Variants in SHCBP1L observed in about 807,000 individuals in gnomAD.
The protein encoded by SHCBP1L is testicular spindle-associated protein SHCBP1L.
SHCBP1L carries 67 observed loss-of-function variants against 62.5 expected under a neutral mutation model. The observed-to-expected ratio is 1.07, with a 90% CI of 0.88 to 1.31. The LOEUF (loss-of-function observed/expected upper bound fraction) is 1.31. Among genes scored for constraint, SHCBP1L ranks in the 40% most tolerant of loss-of-function variants. The pLI, the probability that SHCBP1L is intolerant of heterozygous loss-of-function variation, is 0.00. For missense variants in SHCBP1L, 823 were observed against 809.8 expected, an observed-to-expected ratio of 1.02 and a Z score of -0.20; for synonymous variants, 284 against 289.4, an observed-to-expected ratio of 0.98 and a Z score of 0.19.
intron 2 of SHCBP1L, among the ~76,000 whole-genome samples, chr1:182,944,894 C>T (rs1030773444): frequency 2.6e-5 from 4 of 151,202 alleles, no homozygotes; most frequent in Non-Finnish European, 2.9e-5. Context: ...CTGCAAAAAA[C>T]GTTTTCCCAG....
At chr1:182,946,543 AT>A (rs1651571229) in intron 2 of SHCBP1L, among the ~76,000 whole-genome samples, 1 of 151,672 alleles carries the variant, frequency 6.6e-6, no homozygotes, top group African/African-American at 2.4e-5. Flanking sequence ...GTACCAGCAA[AT>A]TTTCATGTAA....
chr1:182,932,759 T>G, intron 5 of SHCBP1L, among the ~76,000 whole-genome samples: 1 of 152,162 alleles, frequency 6.6e-6, no homozygotes, highest in East Asian at 1.9e-4. Flanking sequence ...CCTCCCAAAG[T>G]GCTGGGATTA....
At chr1:182,906,804 G>A (rs576061515) in intron 6 of SHCBP1L, among the ~76,000 whole-genome samples, 25 of 151,924 alleles carry the variant, frequency 1.6e-4, no homozygotes, top group East Asian at 2.0e-4. Flanking sequence ...TATTAGTGTC[G>A]TAAAGACTGG....
At chr1:182,939,443 T>C in intron 4 of SHCBP1L, 24 bp downstream of exon 4, 1 of 1,604,642 alleles carries the variant, frequency 6.2e-7, no homozygotes, top group African/African-American at 1.3e-5. Flanking sequence ...TAATGTGCGG[T>C]ATAAGTTTAT....
At position 182,952,219 on chromosome 1, in the gene SHCBP1L, TATATATATATATATATAC is replaced by T. The variant is rs1365402900; in HGVS notation, c.405+492_405+509del. Among the ~76,000 whole-genome samples, 296 of 62,978 alleles carry T rather than the reference TATATATATATATATATAC, an allele frequency of 4.7e-3. 2 individuals are homozygous for T. Among genetic ancestry groups the T allele is most frequent in the Non-Finnish European group, 6.0e-3 (242 of 40,150 alleles). The allele number at this position is 62,978 out of a possible 152,430, so 41.3% of individuals were successfully genotyped here. ...ATATATATATATATATATATATATA[TATATATATATATATATAC>T]ACACACACACACACACACACACATT... On this transcript the variant is annotated intron_variant, in intron 1 of 9. Coordinates refer to ENST00000367547, the MANE Select transcript of SHCBP1L (RefSeq NM_030933.4).
chr1:182,916,455 TTAGC>T (rs2101928878), intron 6 of SHCBP1L, among the ~76,000 whole-genome samples: 1 of 152,076 alleles, frequency 6.6e-6, no homozygotes, highest in African/African-American at 2.4e-5. Context: ...TGACAAAAGT[TTAGC>T]TAGACTAAGA....
rs144023488 is a variant in SHCBP1L, at chr1:182,909,276, G to T, written c.1183-3627C>A. 4.5e-3 allele frequency among the ~76,000 whole-genome samples: 683 copies of T among 152,246 alleles called. 7 individuals are homozygous for T. Among genetic ancestry groups the T allele is most frequent in the African/African-American group, 0.016 (654 of 41,550 alleles). On this transcript the variant is annotated intron_variant, in intron 6 of 9. Coordinates refer to ENST00000367547, the MANE Select transcript of SHCBP1L (RefSeq NM_030933.4). ...TATCCAGCAGACTATGGATATAAGG[G>T]TCTAGAATATAGGACCTGACTAGAC...
At chr1:182,914,881 C>A (rs1357567912) in intron 6 of SHCBP1L, among the ~76,000 whole-genome samples, 1 of 151,860 alleles carries the variant, frequency 6.6e-6, no homozygotes, top group African/African-American at 2.4e-5. Context: ...ACAAGAATCT[C>A]ATTTCAGGCC....
chr1:182,911,182 A>C (rs1381585721), intron 6 of SHCBP1L, among the ~76,000 whole-genome samples: 3 of 152,068 alleles, frequency 2.0e-5, no homozygotes, highest in Non-Finnish European at 4.4e-5. Context: ...AAGCCACTGC[A>C]CCTGGCCTTG....
Position 182,946,238 on chromosome 1 carries a change from G to C in SHCBP1L, c.555+5080C>G, listed in dbSNP as rs564183797. ...GGGCCCTTTCAGTCTAGAAATTTAT[G>C]ACCTTTGGTTCTGAGAAACCTTTAC... On this transcript the variant is annotated intron_variant, in intron 2 of 9. Coordinates refer to ENST00000367547, the MANE Select transcript of SHCBP1L (RefSeq NM_030933.4). 3.9e-5 allele frequency among the ~76,000 whole-genome samples: 6 copies of C among 152,076 alleles called. No individual in the cohort carries two copies. In the South Asian group the frequency reaches 1.2e-3, roughly 32 times the overall value.
At chr1:182,924,960 A>AAGAAAGAAAG (rs1650682846) in intron 6 of SHCBP1L, among the ~76,000 whole-genome samples, 2 of 139,854 alleles carry the variant, frequency 1.4e-5, no homozygotes, top group South Asian at 4.7e-4. Context: ...GAAAGAAAGA[A>AAGAAAGAAAG]AGAAAGAAAG....
At chr1:182,906,495 G>A (rs541565276) in intron 6 of SHCBP1L, among the ~76,000 whole-genome samples, 3 of 149,906 alleles carry the variant, frequency 2.0e-5, no homozygotes, top group Non-Finnish European at 3.0e-5. Context: ...GCAATGGCAC[G>A]ATCTCAGCTC....
chr1:182,905,868 A>G (rs1248260073), intron 6 of SHCBP1L, among the ~76,000 whole-genome samples: 2 of 152,202 alleles, frequency 1.3e-5, no homozygotes, highest in African/African-American at 2.4e-5. Context: ...AATACTGGGT[A>G]TTAGCTATGT....
intron 6 of SHCBP1L, among the ~76,000 whole-genome samples, chr1:182,910,886 T>G (rs1453517204): frequency 6.6e-6 from 1 of 152,130 alleles, no homozygotes; most frequent in Non-Finnish European, 1.5e-5. Context: ...TATCTATTTT[T>G]TTGTTGTTGT....
intron 6 of SHCBP1L, among the ~76,000 whole-genome samples, chr1:182,925,006 A>C (rs1650693770): frequency 7.1e-6 from 1 of 141,578 alleles, no homozygotes; most frequent in Non-Finnish European, 1.5e-5. Context: ...GGAAGGAAGA[A>C]AGGAAGGAAG....
intron 1 of SHCBP1L, among the ~76,000 whole-genome samples, chr1:182,951,715 T>C (rs1415321416): frequency 6.6e-6 from 1 of 152,148 alleles, no homozygotes; most frequent in Non-Finnish European, 1.5e-5. Flanking sequence ...CTAGTTATTG[T>C]TTATGTCTTA....
intron 2 of SHCBP1L, chr1:182,942,517 A>G (rs1651404121): frequency 1.7e-6 from 1 of 589,742 alleles, no homozygotes; most frequent in Non-Finnish European, 3.1e-6. Context: ...AGCTACTGAG[A>G]CCCACCAAGA....
In SHCBP1L at chr1:182,952,918, G is replaced by A. The variant is rs764482836; in HGVS notation, c.216C>T (p.Arg72=). 5.7e-6 allele frequency: 9 copies of A among 1,565,900 alleles called. No individual in the cohort carries two copies. Among genetic ancestry groups the A allele is most frequent in the Non-Finnish European group, 6.9e-6 (8 of 1,156,688 alleles). The stretch of plus-strand genomic sequence containing the variant: ...TGTCCTCGGCCTGAGCCGCGGGCAG[G>A]CGCTGGAGCCGCAGCCTGGCCGTCT... ...GRETARLRLQ[R]LPAAQAEDTG... is the part of the protein sequence containing the mutation. The change falls in exon 1 of 10, where the codon CGC becomes CGT. Residue 72 remains arginine, a synonymous_variant. Transcript: ENST00000367547.
chr1:182,939,168 A>C lies in SHCBP1L; in HGVS notation c.1076+8T>G, dbSNP rs550333493. 1 of 1,600,280 alleles carries C rather than the reference A, an allele frequency of 6.2e-7. No individual in the cohort carries two copies. The highest frequency in any genetic ancestry group is 8.5e-7 in the Non-Finnish European group (1 of 1,173,792). On this transcript the variant is annotated splice_region_variant and intron_variant, in intron 5 of 9. Transcript: ENST00000367547. Reference sequence around the variant, plus strand: ...TTTGCTTCTATTTGAAATAGAGCAAATTATTACCGGAGGCGTAAATCTTCC... The same window carrying C: ...TTTGCTTCTATTTGAAATAGAGCAACTTATTACCGGAGGCGTAAATCTTCC...
Sources: allele counts gnomAD v4.1 joint callset (sites outside exome capture counted in the v4.1 genomes callset), GRCh38; gene constraint gnomAD v4.1.1; transcripts MANE v1.5; gene names NCBI Gene and HGNC (gene_info 2026-07-23, HGNC 2026-07-21).